SPTBN5: variants seen among roughly 807,000 people sequenced by gnomAD.
The protein encoded by SPTBN5 is spectrin beta, non-erythrocytic 5, also known as spectrin beta chain, non-erythrocytic 5.
SPTBN5 carries 513 observed loss-of-function variants against 477.6 expected under a neutral mutation model. The ratio of observed to expected loss-of-function variants is 1.07; its 90% CI spans 1.00 to 1.16. The LOEUF (loss-of-function observed/expected upper bound fraction) is 1.16, where lower values mean the gene tolerates loss of function less well. Ranked by LOEUF, SPTBN5 falls within the 50% of genes most tolerant of loss-of-function variation. The pLI is 0.00. For missense variants in SPTBN5, 5,062 were observed against 4,731.8 expected (o/e 1.07, Z -2.05); for synonymous variants, 2,169 against 2,011.7 (o/e 1.08, Z -2.09).
chr15:41,879,953 C>T (rs530891074), intron 14 of SPTBN5, 89 bp from the exon 15 acceptor site: 1 of 1,540,858 alleles, frequency 6.5e-7, no homozygotes, highest in Admixed American at 1.9e-5. Flanking sequence ...GTGGTGCTCT[C>T]TGCTACAGGG....
Position 41,869,789 on chromosome 15 carries a change from T to G in SPTBN5, c.5853+52A>C, listed in dbSNP as rs950531158. The G allele has an allele frequency of 3.0e-5, 44 of 1,458,412 alleles. No individual in the cohort carries two copies. The African/African-American group carries it at 5.1e-4, about 17-fold the overall frequency. 90.3% of individuals were successfully genotyped at this position (1,458,412 alleles called of 1,614,324 possible). A position where few individuals can be genotyped will look rare whatever the true frequency, so the allele number is the denominator to read the frequency against. On this transcript the variant is annotated intron_variant, in intron 32 of 67. Transcript: ENST00000320955. ...CTCATGCGTGCATGCCCATGCATGGTGCAGCACACACACATGCACACACAC... is the reference window on the plus strand; with the variant it reads ...CTCATGCGTGCATGCCCATGCATGGGGCAGCACACACACATGCACACACAC...
chr15:41,866,252 G>C, intron 37 of SPTBN5, 23 bp from the exon 38 acceptor site: 1 of 1,582,272 alleles, frequency 6.3e-7, no homozygotes. Flanking sequence ...AGGGGACACA[G>C]GACATCTTGC....
chr15:41,882,310 C>T lies in SPTBN5; in HGVS notation c.2206G>A (p.Gly736Arg), dbSNP rs1225802120. 6.5e-7 allele frequency: 1 copy of T among 1,527,754 alleles called. No individual in the cohort carries two copies. Among genetic ancestry groups the T allele is most frequent in the Non-Finnish European group, 8.8e-7 (1 of 1,141,526 alleles). 94.6% of individuals were successfully genotyped at this position (1,527,754 alleles called of 1,614,324 possible). ...GWQLLQTRVV[G>R]RGARLQTALL... is the part of the protein sequence containing the mutation. The stretch of plus-strand genomic sequence containing the variant: ...GCTGTCTGCAGCCGTGCGCCCCGCC[C>T]CACCACCCGGGTCTGGAGCAGCTGC... The change falls in exon 11 of 68, where the codon GGG becomes AGG. Residue 736 changes from glycine to arginine, a missense_variant. Transcript: ENST00000320955.
chr15:41,849,973 G>C lies in SPTBN5; in HGVS notation c.10922-14C>G. ...TCAGACTCTGGGCTGCAGAGCAAGG[G>C]AATAACCACTGTTAGCCCGGCCCAG... On this transcript the variant is annotated splice_polypyrimidine_tract_variant and intron_variant, in intron 66 of 67. Transcript: ENST00000320955. 6.4e-7 allele frequency: 1 copy of C among 1,574,080 alleles called. No individual in the cohort carries two copies. Among genetic ancestry groups the C allele is most frequent in the Middle Eastern group, 1.7e-4 (1 of 6,020 alleles).
rs750988513 is a variant in SPTBN5, at chr15:41,857,704, G to A, written c.8233C>T (p.Gln2745Ter). Residue 2745 changes from glutamine to a stop codon, truncating the protein, a stop_gained, in exon 50 of 68, where the codon CAG (glutamine) becomes TAG (stop). Coordinates refer to ENST00000320955, the MANE Select transcript of SPTBN5 (RefSeq NM_016642.4). LOFTEE classifies it high-confidence loss of function. ...HQQQELQREG[Q>*]RLLQGGHPAS... ...GGGTGGCCCCCCTGCAGCAGCCTCT[G>A]TCCCTCCTGCAGCCACAACATGAAA... is the stretch of plus-strand genomic sequence containing the variant. 1 of 1,572,510 alleles carries A rather than the reference G, an allele frequency of 6.4e-7. No individual in the cohort carries two copies. Among genetic ancestry groups the A allele is most frequent in the Non-Finnish European group, 8.6e-7 (1 of 1,161,662 alleles).
rs762423751 is a variant in SPTBN5 at position 41,876,952 on chromosome 15, G to A, written c.3712-4C>T. On this transcript the variant is annotated splice_polypyrimidine_tract_variant and splice_region_variant and intron_variant, in intron 18 of 67. Coordinates refer to ENST00000320955, the MANE Select transcript of SPTBN5 (RefSeq NM_016642.4). The stretch of plus-strand genomic sequence containing the variant: ...TCAGGGCCTCCCTCACGTCCTCCTG[G>A]GAGTGCAGAGACCTGAGGTCATGCC... The A allele has an allele frequency of 1.9e-6, 3 of 1,603,840 alleles. No homozygotes were observed. Among genetic ancestry groups the A allele is most frequent in the South Asian group, 1.1e-5 (1 of 89,838 alleles).
Position 41,848,317 on chromosome 15 carries a change from G to C in SPTBN5, c.*299C>G, listed in dbSNP as rs1361348946. 3 of 539,002 alleles carry C rather than the reference G, an allele frequency of 5.6e-6. No individual in the cohort carries two copies. In the African/African-American group the frequency reaches 5.7e-5, roughly 10 times the overall value. The allele number at this position is 539,002 out of a possible 1,614,324, so 33.4% of individuals were successfully genotyped here. ...CTGTGCTCAGAGTCACCCCTTCCAA[G>C]CAAGGAGGAGGCCACATGGGCCTGG... On this transcript the variant is annotated 3_prime_UTR_variant, in exon 68 of 68. Transcript: ENST00000320955.
intron 49 of SPTBN5, among the ~76,000 whole-genome samples, chr15:41,858,379 A>T (rs1344441655): frequency 6.6e-6 from 1 of 151,798 alleles, no homozygotes; most frequent in African/African-American, 2.4e-5. Flanking sequence ...TTTAAAATTA[A>T]TGAAAAGCTG....
chr15:41,867,865 G>T lies in SPTBN5; in HGVS notation c.6207+204C>A, dbSNP rs553353198. Among the ~76,000 whole-genome samples, 24 of 152,364 alleles carry T rather than the reference G, an allele frequency of 1.6e-4. No individual in the cohort carries two copies. The South Asian group carries it at 4.4e-3, about 28-fold the overall frequency. On this transcript the variant is annotated intron_variant, in intron 34 of 67. Transcript: ENST00000320955. ...CCAGCCTCTGGCCAACTTCCTCGGG[G>T]CTCAGTCTGGGATAGGGGCTGGGGA...
In SPTBN5 at chr15:41,867,130, T is replaced by C. The variant is rs1186686204; in HGVS notation, c.6313-4A>G. 3 of 1,527,350 alleles carry C rather than the reference T, an allele frequency of 2.0e-6. No homozygotes were observed. Among genetic ancestry groups the C allele is most frequent in the Non-Finnish European group, 8.8e-7 (1 of 1,140,736 alleles). 94.6% of individuals were successfully genotyped at this position (1,527,350 alleles called of 1,614,324 possible). On this transcript the variant is annotated splice_region_variant and splice_polypyrimidine_tract_variant and intron_variant, in intron 35 of 67. Transcript: ENST00000320955. ...GCCGCTCACGCAGGGCTGCCTCCTG[T>C]GGGGCAGGGGCACAGCTGCTGCTCT... is the stretch of plus-strand genomic sequence containing the variant.
chr15:41,886,231 G>A lies in SPTBN5; in HGVS notation c.1024C>T (p.Arg342Trp), dbSNP rs528552734. ...RDFPDSLPAM[R>W]QLLAAFTIFR... ...ATGGTGAATGCTGCCAGTAGCTGCC[G>A]CATGGCGGGCAGCGAGTCTGGAAAA... The change falls in exon 7 of 68, where the codon CGG becomes TGG. Residue 342 changes from arginine to tryptophan, a missense_variant. Transcript: ENST00000320955. 14 of 1,613,088 alleles carry A rather than the reference G, an allele frequency of 8.7e-6. No homozygotes were observed. Among genetic ancestry groups the A allele is most frequent in the African/African-American group, 1.3e-5 (1 of 75,072 alleles).
At chr15:41,879,542 C>G (rs1337532687) in intron 15 of SPTBN5, 43 bp from the exon 16 acceptor site, 1 of 1,520,790 alleles carries the variant, frequency 6.6e-7, no homozygotes, top group Non-Finnish European at 8.8e-7. Flanking sequence ...AGGGACACCT[C>G]CCCATCCATC....
chr15:41,874,678 G>T (rs185669425), intron 23 of SPTBN5, among the ~76,000 whole-genome samples, 164 bp downstream of exon 23: 1 of 152,334 alleles, frequency 6.6e-6, no homozygotes, highest in East Asian at 1.9e-4. Context: ...CACTGTGGGG[G>T]TCCTGCTAAG....
intron 66 of SPTBN5, 22 bp downstream of exon 66, chr15:41,850,832 G>A (rs768258730): frequency 8.9e-6 from 14 of 1,570,982 alleles, no homozygotes; most frequent in African/African-American, 4.1e-5. Flanking sequence ...CGCCCTCCCC[G>A]CATCCTTCCC....
At chr15:41,884,800 C>T (rs2067093755) in intron 7 of SPTBN5, among the ~76,000 whole-genome samples, 1 of 152,198 alleles carries the variant, frequency 6.6e-6, no homozygotes. Flanking sequence ...CACTTGTTCA[C>T]TTTGGCCAAC....
Position 41,856,909 on chromosome 15 carries a change from C to T in SPTBN5, c.8752G>A (p.Ala2918Thr), listed in dbSNP as rs2065942890. 1 of 1,554,258 alleles carries T rather than the reference C, an allele frequency of 6.4e-7. No individual in the cohort carries two copies. The highest frequency in any genetic ancestry group is 8.7e-7 in the Non-Finnish European group (1 of 1,149,150). The change falls in exon 52 of 68, where the codon GCC becomes ACC. Residue 2918 changes from alanine to threonine, a missense_variant. Ala to Thr is a moderately conservative substitution (Grantham distance 58, BLOSUM62 0). Coordinates refer to ENST00000320955, the MANE Select transcript of SPTBN5 (RefSeq NM_016642.4). ...CTCAGGCTCTGGCCATAGTCCTGGG[C>T]AGCGGCCAGAGGCAGCTTCTCCTGC... is the stretch of plus-strand genomic sequence containing the variant. ...WVQEKLPLAAAQDYGQSLSAV... is the reference protein window; with the variant it reads ...WVQEKLPLAATQDYGQSLSAV...
At chr15:41,873,079 G>C (rs977449311) in intron 26 of SPTBN5, among the ~76,000 whole-genome samples, 1 of 152,230 alleles carries the variant, frequency 6.6e-6, no homozygotes, top group African/African-American at 2.4e-5. Context: ...GTTTGTGGGA[G>C]GAGGTCGGCT....
In SPTBN5 at chr15:41,849,912, T is replaced by G. The variant is rs752974065; in HGVS notation, c.10969A>C (p.Asn3657His). 1.3e-6 allele frequency: 2 copies of G among 1,596,518 alleles called. No homozygotes were observed. Among genetic ancestry groups the G allele is most frequent in the Non-Finnish European group, 1.7e-6 (2 of 1,171,348 alleles). Residue 3657 changes from asparagine (N) to histidine (H), a missense_variant, in exon 67 of 68, where the codon AAT becomes CAT. Transcript: ENST00000320955. ...KLKAKPVSSL[N>H]ECTTKDARPG... ...CGGGCATCCTTGGTCGTGCACTCAT[T>G]CAGAGAGCTGACAGGTTTGGCTTTG...
chr15:41,861,205 C>T (rs943105000), intron 46 of SPTBN5, among the ~76,000 whole-genome samples: 4 of 152,190 alleles, frequency 2.6e-5, no homozygotes, highest in African/African-American at 9.7e-5. Flanking sequence ...CTAGAAGCTC[C>T]TTGGTGTTCG....
Sources: gnomAD v4.1 joint callset for allele counts (sites outside exome capture counted in the v4.1 genomes callset) on GRCh38, gnomAD v4.1.1 for gene constraint, MANE v1.5 for transcripts, NCBI Gene and HGNC (gene_info 2026-07-23, HGNC 2026-07-21) for gene names.